Variants in PRKN observed in about 807,000 individuals in gnomAD.
PRKN encodes parkin RBR E3 ubiquitin protein ligase, also known as E3 ubiquitin-protein ligase parkin.
In PRKN, 56 loss-of-function variants were observed where a neutral mutation model predicts 59.5. That is an observed-to-expected ratio of 0.94 (90% CI 0.76 to 1.18). The LOEUF is 1.18. PRKN is among the 50% of genes most tolerant of loss of function. The pLI is 0.00. For synonymous variants in PRKN, 250 were observed against 222.1 expected, an observed-to-expected ratio of 1.13 and a Z score of -1.12; for missense variants, 657 against 596.4, an observed-to-expected ratio of 1.10 and a Z score of -1.06.
chr6:162,142,924 C>G (rs553800085), intron 4 of PRKN, among the ~76,000 whole-genome samples: 1 of 152,224 alleles, frequency 6.6e-6, no homozygotes. Flanking sequence ...ACTTATAAAC[C>G]AAGGCAATCA....
intron 8 of PRKN, among the ~76,000 whole-genome samples, chr6:161,557,227 G>C (rs961475071): frequency 6.6e-6 from 1 of 152,102 alleles, no homozygotes. Flanking sequence ...AAATTATTCA[G>C]TCTTTATGTG....
intron 2 of PRKN, among the ~76,000 whole-genome samples, chr6:162,412,647 T>A (rs1362321941): frequency 6.6e-6 from 1 of 152,168 alleles, no homozygotes; most frequent in Non-Finnish European, 1.5e-5. Flanking sequence ...ACACATTAAA[T>A]ACAACTGTGC....
intron 4 of PRKN, among the ~76,000 whole-genome samples, chr6:162,200,800 C>T (rs1021664861): frequency 2.0e-4 from 30 of 152,162 alleles, no homozygotes; most frequent in African/African-American, 7.2e-4. Context: ...TTTTAGCAGC[C>T]TAAGGTTCCT....
At chr6:161,997,165 A>G (rs1442435364) in intron 5 of PRKN, among the ~76,000 whole-genome samples, 2 of 152,178 alleles carry the variant, frequency 1.3e-5, no homozygotes, top group Non-Finnish European at 2.9e-5. Flanking sequence ...TTCTTGGTGC[A>G]TTAAATGAAG....
In PRKN at chr6:161,385,657, C is replaced by A. The variant is rs542265450; in HGVS notation, c.1167+1137G>T. On this transcript the variant is annotated intron_variant, in intron 10 of 11. Transcript: ENST00000366898. The surrounding 1 kb of genome is among the most constrained non-coding windows in gnomAD (Gnocchi z 4.9). The stretch of plus-strand genomic sequence containing the variant: ...TCTCAGAGCATATGGATGTAAATTG[C>A]TAGACTAACTCCGTTTCCCAGAGCC... Among the ~76,000 whole-genome samples, 19 of 152,300 alleles carry A rather than the reference C, an allele frequency of 1.2e-4. No homozygotes were observed. Among genetic ancestry groups the A allele is most frequent in the Admixed American group, 2.0e-4 (3 of 15,302 alleles).
At chr6:162,236,894 AGGAG>A (rs1353179543) in intron 3 of PRKN, among the ~76,000 whole-genome samples, 2 of 151,318 alleles carry the variant, frequency 1.3e-5, no homozygotes, top group African/African-American at 4.9e-5. Context: ...GAGAGAGAGA[AGGAG>A]GGAAGGAAGG....
intron 7 of PRKN, among the ~76,000 whole-genome samples, chr6:161,650,685 G>A (rs56403254): frequency 0.036 from 5,474 of 152,160 alleles, 193 homozygotes; most frequent in African/African-American, 0.091. Context: ...GAGGAATTTC[G>A]GCAAATCTCA....
intron 1 of PRKN, among the ~76,000 whole-genome samples, chr6:162,583,544 G>A (rs1191704917): frequency 6.6e-6 from 1 of 152,180 alleles, no homozygotes; most frequent in East Asian, 1.9e-4. Context: ...TTCCTTAAGT[G>A]GTAGAATCAT....
At chr6:162,404,681 T>C (rs894076462) in intron 2 of PRKN, among the ~76,000 whole-genome samples, 5 of 151,958 alleles carry the variant, frequency 3.3e-5, no homozygotes, top group Non-Finnish European at 5.9e-5. Flanking sequence ...GCCTCCCGAG[T>C]AGCTCGGACT....
Position 161,454,589 on chromosome 6 carries a change from C to A in PRKN, c.1084-67712G>T, listed in dbSNP as rs546095319. 5.3e-5 allele frequency among the ~76,000 whole-genome samples: 8 copies of A among 152,250 alleles called. No homozygotes were observed. In the East Asian group the frequency reaches 1.5e-3, roughly 29 times the overall value. On this transcript the variant is annotated intron_variant, in intron 9 of 11. Transcript: ENST00000366898. The surrounding 1 kb of genome is among the most constrained non-coding windows in gnomAD (Gnocchi z 4.6). The stretch of plus-strand genomic sequence containing the variant: ...ATCTGGGGTTTTGAAACTGTTAGTT[C>A]TTGGAGCAAGCCCAAGTTTATTTTG...
At position 161,457,164 on chromosome 6, in the gene PRKN, T is replaced by C. The variant is rs1367347723; in HGVS notation, c.1084-70287A>G. Among the ~76,000 whole-genome samples, 2 of 152,228 alleles carry C rather than the reference T, an allele frequency of 1.3e-5. No individual in the cohort carries two copies. The highest frequency in any genetic ancestry group is 1.5e-5 in the Non-Finnish European group (1 of 68,036). On this transcript the variant is annotated intron_variant, in intron 9 of 11. Coordinates refer to ENST00000366898, the MANE Select transcript of PRKN (RefSeq NM_004562.3). This position sits in a 1 kb window ranked among gnomAD's most constrained non-coding sequence, Gnocchi z 5.0. ...GTTCTCCACTCGGTACACCCAGTTT[T>C]ACCAAAGTTAAACCCATGAGATTTT...
chr6:161,772,101 T>C (rs992091919), intron 7 of PRKN, among the ~76,000 whole-genome samples: 6 of 152,182 alleles, frequency 3.9e-5, no homozygotes, highest in Admixed American at 6.5e-5. Flanking sequence ...AGGCTCTGAA[T>C]AGACGCCTGT....
intron 4 of PRKN, among the ~76,000 whole-genome samples, chr6:162,151,730 A>C (rs574830691): frequency 5.3e-5 from 8 of 152,348 alleles, no homozygotes; most frequent in African/African-American, 1.9e-4. Flanking sequence ...CACTTTAAGA[A>C]AAAGAAAGAG....
In PRKN at chr6:161,548,237, T is replaced by C. The variant is rs1017621575; in HGVS notation, c.1083+617A>G. Among the ~76,000 whole-genome samples the C allele has an allele frequency of 2.6e-5, 4 of 152,192 alleles. No individual in the cohort carries two copies. The highest frequency in any genetic ancestry group is 5.9e-5 in the Non-Finnish European group (4 of 68,040). On this transcript the variant is annotated intron_variant, in intron 9 of 11. Coordinates refer to ENST00000366898, the MANE Select transcript of PRKN (RefSeq NM_004562.3). The surrounding 1 kb of genome is among the most constrained non-coding windows in gnomAD (Gnocchi z 4.2). ...GTTTGAGTTATGCTTCTTCCCCCCTTGAGCCATCAGCTTGCAGCCATAGAT... is the reference window on the plus strand; with the variant it reads ...GTTTGAGTTATGCTTCTTCCCCCCTCGAGCCATCAGCTTGCAGCCATAGAT...
At chr6:161,771,354 T>TC (rs1278223670) in intron 7 of PRKN, among the ~76,000 whole-genome samples, 1 of 25,640 alleles carries the variant, frequency 3.9e-5, no homozygotes, top group African/African-American at 9.1e-5. Flanking sequence ...AGACTCCACC[T>TC]CAAAAAAAAA....
chr6:162,220,515 A>AT (rs1777880116), intron 3 of PRKN, among the ~76,000 whole-genome samples: 1 of 152,214 alleles, frequency 6.6e-6, no homozygotes, highest in South Asian at 2.1e-4. Flanking sequence ...AGAAGTGAAG[A>AT]TTCAAGTACA....
intron 1 of PRKN, among the ~76,000 whole-genome samples, chr6:162,478,543 T>C (rs1792137484): frequency 1.3e-5 from 2 of 152,296 alleles, no homozygotes; most frequent in South Asian, 4.1e-4. Flanking sequence ...AGCATTCTAA[T>C]AAGCAGGTGT....
chr6:161,363,268 A>G lies in PRKN; in HGVS notation c.1168-3063T>C, dbSNP rs1276460935. 6.6e-6 allele frequency among the ~76,000 whole-genome samples: 1 copy of G among 152,166 alleles called. No individual in the cohort carries two copies. Among genetic ancestry groups the G allele is most frequent in the Admixed American group, 6.5e-5 (1 of 15,274 alleles). ...AAAAAACTTAACTGAGTATAAACTA[A>G]ATATGTTTGTTATATTTAAATAAAT... On this transcript the variant is annotated intron_variant, in intron 10 of 11. Transcript: ENST00000366898. The surrounding 1 kb of genome is among the most constrained non-coding windows in gnomAD (Gnocchi z 4.1).
intron 4 of PRKN, among the ~76,000 whole-genome samples, chr6:162,152,522 G>A (rs1782316183): frequency 6.6e-6 from 1 of 152,136 alleles, no homozygotes. Context: ...CAAGGCATCA[G>A]GAACAGTAGT....
Sources: gnomAD v4.1 joint callset for allele counts (sites outside exome capture counted in the v4.1 genomes callset) on GRCh38, gnomAD v4.1.1 for gene constraint, Gnocchi (gnomAD v3.1) non-coding constraint, MANE v1.5 for transcripts, NCBI Gene and HGNC (gene_info 2026-07-23, HGNC 2026-07-21) for gene names.